The following VWC2 variants were observed in gnomAD, a reference collection of about 807,000 sequenced individuals.
VWC2 encodes von Willebrand factor C domain containing 2, also known as brorin.
Under a neutral mutation model 29.8 loss-of-function variants are expected in VWC2, and 14 were observed. The observed-to-expected ratio is 0.47, with a 90% confidence interval of 0.31 to 0.74. The LOEUF (loss-of-function observed/expected upper bound fraction) is 0.74, where lower values mean the gene tolerates loss of function less well. Ranked by LOEUF, VWC2 falls within the 30% of genes least tolerant of loss-of-function variation. The pLI is 0.05. For synonymous variants in VWC2, 213 were observed against 199.0 expected (o/e 1.07, Z -0.59); for missense variants, 457 against 459.8 (o/e 0.99, Z 0.05).
intron 3 of VWC2, among the ~76,000 whole-genome samples, chr7:49,826,102 T>C (rs1789384872): frequency 6.6e-6 from 1 of 152,182 alleles, no homozygotes; most frequent in African/African-American, 2.4e-5. Context: ...TCTTACCCTT[T>C]GTTGTAATCG....
At chr7:49,814,697 C>T (rs1789094141) in intron 3 of VWC2, among the ~76,000 whole-genome samples, 1 of 152,150 alleles carries the variant, frequency 6.6e-6, no homozygotes, top group Non-Finnish European at 1.5e-5. Context: ...CTTCCCATGC[C>T]TTTGGGAATG....
At chr7:49,891,556 G>C (rs1056017898) in intron 3 of VWC2, among the ~76,000 whole-genome samples, 1 of 152,118 alleles carries the variant, frequency 6.6e-6, no homozygotes, top group Admixed American at 6.5e-5. Context: ...GGAAATGCAA[G>C]TTAAAGCCAC....
At chr7:49,775,308 A>C in intron 1 of VWC2, 25 bp from the exon 2 acceptor site, 2 of 512,676 alleles carry the variant, frequency 3.9e-6, no homozygotes, top group Non-Finnish European at 2.8e-6. Context: ...CGCGGGGCTC[A>C]GTTGTGCTGC....
At chr7:49,837,811 A>G (rs1231899446) in intron 3 of VWC2, among the ~76,000 whole-genome samples, 3 of 152,228 alleles carry the variant, frequency 2.0e-5, no homozygotes, top group African/African-American at 2.4e-5. Context: ...CATGATGCTG[A>G]TAATAAAAAT....
At chr7:49,823,814 C>G (rs141907586) in intron 3 of VWC2, among the ~76,000 whole-genome samples, 3,614 of 152,296 alleles carry the variant, frequency 0.024, 344 homozygotes, top group Admixed American at 0.17. Flanking sequence ...TCTAAGAGGT[C>G]TAGTGCACCT....
intron 3 of VWC2, among the ~76,000 whole-genome samples, chr7:49,804,308 G>A (rs1428688366): frequency 6.6e-6 from 1 of 152,028 alleles, no homozygotes; most frequent in East Asian, 1.9e-4. Flanking sequence ...AGGAGAGGCA[G>A]ATGGAGAATC....
At chr7:49,891,970 A>G (rs1006475243) in intron 3 of VWC2, among the ~76,000 whole-genome samples, 7 of 152,068 alleles carry the variant, frequency 4.6e-5, no homozygotes, top group African/African-American at 1.4e-4. Context: ...ATGAAAAGAT[A>G]CAAATACGGA....
intron 3 of VWC2, among the ~76,000 whole-genome samples, chr7:49,825,967 T>C (rs1789380791): frequency 6.6e-6 from 1 of 152,100 alleles, no homozygotes; most frequent in Non-Finnish European, 1.5e-5. Context: ...ACCCCCATAT[T>C]TGCAACTGTT....
chr7:49,828,902 C>T lies in VWC2; in HGVS notation c.826+26062C>T, dbSNP rs147948416. On this transcript the variant is annotated intron_variant, in intron 3 of 3. Transcript: ENST00000340652. ...CTAGGGCCAGGTCCCAGGGATAGCC[C>T]GGGTGCCCCACAGCCCACTGAAATG... Among the ~76,000 whole-genome samples, 378 of 152,258 alleles carry T rather than the reference C, an allele frequency of 2.5e-3. 2 individuals carry two copies. The highest frequency in any genetic ancestry group is 4.2e-3 in the Admixed American group (64 of 15,284).
At chr7:49,788,671 CTG>C (rs1334527817) in intron 2 of VWC2, among the ~76,000 whole-genome samples, 2 of 127,218 alleles carry the variant, frequency 1.6e-5, no homozygotes, top group African/African-American at 6.7e-5. Context: ...GTATGAGAGT[CTG>C]TGAGTGTGGG....
chr7:49,872,915 CAAAAAA>C (rs61473396), intron 3 of VWC2, among the ~76,000 whole-genome samples: 8 of 33,948 alleles, frequency 2.4e-4, no homozygotes, highest in African/African-American at 7.2e-4. Flanking sequence ...GACTTTGTCT[CAAAAAA>C]AAAAAAAAAA....
chr7:49,891,405 T>C (rs772485374), intron 3 of VWC2, among the ~76,000 whole-genome samples: 1 of 152,208 alleles, frequency 6.6e-6, no homozygotes, highest in Non-Finnish European at 1.5e-5. Context: ...TTATTTGTCA[T>C]CACACATCAG....
chr7:49,814,062 T>C (rs1273526784), intron 3 of VWC2, among the ~76,000 whole-genome samples: 2 of 152,236 alleles, frequency 1.3e-5, no homozygotes, highest in Non-Finnish European at 1.5e-5. Flanking sequence ...TCAAGAACTC[T>C]ACTCTGAAGT....
chr7:49,812,409 GAT>G (rs1253006503), intron 3 of VWC2, among the ~76,000 whole-genome samples: 8 of 152,122 alleles, frequency 5.3e-5, no homozygotes, highest in Non-Finnish European at 1.2e-4. Context: ...GGCTAATCTT[GAT>G]ACACATCCTT....
intron 3 of VWC2, among the ~76,000 whole-genome samples, chr7:49,854,790 G>T (rs1283051552): frequency 6.6e-6 from 1 of 152,170 alleles, no homozygotes; most frequent in Non-Finnish European, 1.5e-5. Context: ...TCCTCAACAT[G>T]AGCCACACAT....
intron 3 of VWC2, among the ~76,000 whole-genome samples, chr7:49,883,731 T>C (rs1791779549): frequency 6.6e-6 from 1 of 152,192 alleles, no homozygotes; most frequent in Admixed American, 6.5e-5. Context: ...TCAAAGACAA[T>C]GAACACAAAT....
rs576410973 is a variant in VWC2, at chr7:49,921,086, C to T, written c.*8901C>T. ...CTGTAACCACTAATAAATCATCAGT[C>T]ACCACCTTTCCTGCATATCTGACAG... On this transcript the variant is annotated 3_prime_UTR_variant, in exon 4 of 4. Transcript: ENST00000340652. The T allele has an allele frequency of 5.9e-5, 9 of 152,204 alleles. No homozygotes were observed. The highest frequency in any genetic ancestry group is 8.8e-5 in the Non-Finnish European group (6 of 68,034). 9.4% of individuals were successfully genotyped at this position (152,204 alleles called of 1,614,324 possible).
At chr7:49,803,052 T>C (rs1324171660) in intron 3 of VWC2, among the ~76,000 whole-genome samples, 2 of 152,224 alleles carry the variant, frequency 1.3e-5, no homozygotes, top group Admixed American at 6.5e-5. Context: ...GTTTTATGGA[T>C]GTTAAGAAGT....
At chr7:49,875,113 T>C (rs1218577439) in intron 3 of VWC2, among the ~76,000 whole-genome samples, 1 of 151,750 alleles carries the variant, frequency 6.6e-6, no homozygotes, top group Non-Finnish European at 1.5e-5. Context: ...GGCTCATGCC[T>C]GTAATCCCAG....
Sources: allele counts gnomAD v4.1 joint callset (sites outside exome capture counted in the v4.1 genomes callset), GRCh38; gene constraint gnomAD v4.1.1; transcripts MANE v1.5; gene names NCBI Gene and HGNC (gene_info 2026-07-23, HGNC 2026-07-21).